The following HIVEP2 variants were observed in gnomAD, a reference collection of about 807,000 sequenced individuals.
The protein encoded by HIVEP2 is HIVEP zinc finger 2.
A neutral mutation model predicts 180.7 loss-of-function variants in HIVEP2; 14 were observed. That is an observed-to-expected ratio of 0.08 (90% CI 0.05 to 0.12). The LOEUF (loss-of-function observed/expected upper bound fraction) is 0.12, where lower values mean the gene tolerates loss of function less well. Ranked by LOEUF, HIVEP2 falls within the 10% of genes least tolerant of loss-of-function variation. HIVEP2 has a pLI of 1.00. For missense variants in HIVEP2, 2,579 were observed against 3,008.5 expected (o/e 0.86, Z 3.34); for synonymous variants, 1,184 against 1,136.4 (o/e 1.04, Z -0.84).
chr6:142,778,831 A>G (rs1775769616), intron 3 of HIVEP2, among the ~76,000 whole-genome samples: 1 of 152,176 alleles, frequency 6.6e-6, no homozygotes, highest in Non-Finnish European at 1.5e-5. Context: ...AAAATAATAC[A>G]TCTTCAATAA....
chr6:142,754,063 G>T, intron 9 of HIVEP2, 132 bp from the exon 10 acceptor site: 1 of 552,904 alleles, frequency 1.8e-6, no homozygotes. Context: ...CTAATTCTTT[G>T]ATCAAGTTTT....
chr6:142,793,659 T>TCTCTCTCTCTC (rs3057479), intron 2 of HIVEP2, among the ~76,000 whole-genome samples: 4 of 106,116 alleles, frequency 3.8e-5, no homozygotes, highest in African/African-American at 1.4e-4. Flanking sequence ...TTTCTTTCTT[T>TCTCTCTCTCTC]TTTCTTTCTT....
rs770845582 is a variant in HIVEP2, at chr6:142,771,554, G to A, written c.3185C>T (p.Ser1062Leu). Residue 1062 changes from serine (S) to leucine (L), a missense_variant, in exon 5 of 10, where the codon TCG (serine) becomes TTG (leucine). This residue lies in a region of HIVEP2 where 523 missense variants were observed against 577.0 expected (regional missense o/e 0.91). Coordinates refer to ENST00000367603, the MANE Select transcript of HIVEP2 (RefSeq NM_006734.4). The surrounding 1 kb of genome is among the most constrained non-coding windows in gnomAD (Gnocchi z 5.4). The part of the protein sequence containing the change: ...DYGNLSHAPV[S>L]GAAASTVSPS... ...TGATACCGTGGAGGCTGCTGCTCCC[G>A]ACACAGGAGCATGGGACAGATTCCC... 16 of 1,613,932 alleles carry A rather than the reference G, an allele frequency of 9.9e-6. No homozygotes were observed. The highest frequency in any genetic ancestry group is 5.3e-5 in the African/African-American group (4 of 75,038).
chr6:142,855,347 A>C (rs754649623), intron 1 of HIVEP2, among the ~76,000 whole-genome samples: 12 of 152,228 alleles, frequency 7.9e-5, no homozygotes, highest in Non-Finnish European at 1.3e-4. Flanking sequence ...CAGCAGGGAA[A>C]GGACTAATCA....
At chr6:142,811,307 A>G (rs1452918705) in intron 2 of HIVEP2, among the ~76,000 whole-genome samples, 1 of 152,216 alleles carries the variant, frequency 6.6e-6, no homozygotes, top group Non-Finnish European at 1.5e-5. Flanking sequence ...TAAAAATGCA[A>G]CACATGCAAA....
In HIVEP2 at chr6:142,771,896, T is replaced by G; in HGVS notation, c.2843A>C (p.Glu948Ala). Residue 948 changes from glutamate (E) to alanine (A), a missense_variant, in exon 5 of 10, where the codon GAG (glutamate) becomes GCG (alanine). By Grantham distance (107) the Glu-to-Ala change is moderately radical. Coordinates refer to ENST00000367603, the MANE Select transcript of HIVEP2 (RefSeq NM_006734.4). The surrounding 1 kb of genome is among the most constrained non-coding windows in gnomAD (Gnocchi z 5.4). ...AAAGCTGGACTCCCCTGAGGAGTGC[T>G]CCATATCTGCAAGTCGCAGACGCTT... is the stretch of plus-strand genomic sequence containing the variant. The part of the protein sequence containing the change: ...KKKRLRLADM[E>A]HSSGESSFES... 6.2e-7 allele frequency: 1 copy of G among 1,614,168 alleles called. No individual in the cohort carries two copies. The highest frequency in any genetic ancestry group is 8.5e-7 in the Non-Finnish European group (1 of 1,180,036).
At chr6:142,831,778 G>A (rs1208276789) in intron 2 of HIVEP2, among the ~76,000 whole-genome samples, 1 of 152,126 alleles carries the variant, frequency 6.6e-6, no homozygotes, top group East Asian at 1.9e-4. Flanking sequence ...TCATAAATTT[G>A]TATTCATGAC....
Position 142,828,963 on chromosome 6 carries a change from C to A in HIVEP2, c.-528+7972G>T, listed in dbSNP as rs544477766. Among the ~76,000 whole-genome samples, 39 of 152,292 alleles carry A rather than the reference C, an allele frequency of 2.6e-4. No individual in the cohort carries two copies. In the South Asian group the frequency reaches 7.5e-3, roughly 29 times the overall value. Reference sequence around the variant, plus strand: ...TAGAATATTCATCTACAGTATCTCTCCCAAACCCTCTTTATATTCCTATTA... The same window carrying A: ...TAGAATATTCATCTACAGTATCTCTACCAAACCCTCTTTATATTCCTATTA... On this transcript the variant is annotated intron_variant, in intron 2 of 9. Coordinates refer to ENST00000367603, the MANE Select transcript of HIVEP2 (RefSeq NM_006734.4).
chr6:142,821,533 G>C (rs927984806), intron 2 of HIVEP2, among the ~76,000 whole-genome samples: 1 of 152,108 alleles, frequency 6.6e-6, no homozygotes, highest in African/African-American at 2.4e-5. Flanking sequence ...AGAAAATGGG[G>C]ATACAAATAA....
rs764211234 is a variant in HIVEP2 at position 142,771,731 on chromosome 6, T to A, written c.3008A>T (p.His1003Leu). The A allele has an allele frequency of 5.6e-6, 9 of 1,614,222 alleles. No homozygotes were observed. The highest frequency in any genetic ancestry group is 7.6e-6 in the Non-Finnish European group (9 of 1,180,046). The change falls in exon 5 of 10, where the codon CAT (histidine) becomes CTT (leucine). Residue 1003 changes from histidine (H) to leucine (L), a missense_variant. Transcript: ENST00000367603. This position sits in a 1 kb window ranked among gnomAD's most constrained non-coding sequence, Gnocchi z 5.4. The part of the protein sequence containing the change: ...ALPKQDEFGK[H>L]SEFLTVPAGS... ...AGCAGGGACAGTCAGAAACTCTGAA[T>A]GCTTCCCAAACTCATCCTGCTTAGG...
chr6:142,886,699 T>C (rs989206728), intron 1 of HIVEP2, among the ~76,000 whole-genome samples: 2 of 152,208 alleles, frequency 1.3e-5, no homozygotes, highest in African/African-American at 4.8e-5. Flanking sequence ...TAGAAATTTA[T>C]CTATGATAGA....
chr6:142,840,300 T>A (rs201467401), intron 1 of HIVEP2, among the ~76,000 whole-genome samples: 2 of 4,804 alleles, frequency 4.2e-4, no homozygotes, highest in African/African-American at 8.3e-4. Context: ...ATTTATTTTT[T>A]TTTTTTTAAT....
chr6:142,885,299 A>G (rs1776667863), intron 1 of HIVEP2, among the ~76,000 whole-genome samples: 1 of 151,938 alleles, frequency 6.6e-6, no homozygotes, highest in Non-Finnish European at 1.5e-5. Flanking sequence ...GCTGTTCACA[A>G]AAGGAATTCC....
chr6:142,859,063 A>G (rs912810443), intron 1 of HIVEP2, among the ~76,000 whole-genome samples: 1 of 152,214 alleles, frequency 6.6e-6, no homozygotes, highest in South Asian at 2.1e-4. Flanking sequence ...GTGTTGTTAA[A>G]TGAATCATTT....
intron 1 of HIVEP2, among the ~76,000 whole-genome samples, chr6:142,928,286 A>G (rs1346057690): frequency 6.6e-6 from 1 of 152,240 alleles, no homozygotes; most frequent in Non-Finnish European, 1.5e-5. Context: ...TTAGGGTTTT[A>G]TGAGTATCCT....
intron 1 of HIVEP2, among the ~76,000 whole-genome samples, chr6:142,877,779 A>G (rs1776481975): frequency 6.6e-6 from 1 of 152,240 alleles, no homozygotes; most frequent in Admixed American, 6.5e-5. Flanking sequence ...ATTGTCCCCA[A>G]AAGAAATACA....
intron 1 of HIVEP2, among the ~76,000 whole-genome samples, chr6:142,857,953 C>T (rs545229110): frequency 6.6e-6 from 1 of 152,234 alleles, no homozygotes; most frequent in East Asian, 1.9e-4. Context: ...AGGCAGCTGT[C>T]CCCCACCATT....
rs1288714072 is a variant in HIVEP2 at position 142,753,559 on chromosome 6, T to C, written c.6889A>G (p.Ser2297Gly). ...PHALQSSGPP[S>G]TPSSPRLLMK... ...AACAGCCGAGGAGAGGAGGGAGTGCTAGGTGGACCAGATGACTGCAAAGCG... is the reference window on the plus strand; with the variant it reads ...AACAGCCGAGGAGAGGAGGGAGTGCCAGGTGGACCAGATGACTGCAAAGCG... The change falls in exon 10 of 10, where the codon AGC becomes GGC. Residue 2297 changes from serine (S) to glycine (G), a missense_variant. This residue lies in a region of HIVEP2 where 660 missense variants were observed against 731.7 expected (regional missense o/e 0.90). Transcript: ENST00000367603. 6.2e-7 allele frequency: 1 copy of C among 1,614,064 alleles called. No individual in the cohort carries two copies. The highest frequency in any genetic ancestry group is 1.3e-5 in the African/African-American group (1 of 74,934).
At position 142,753,839 on chromosome 6, in the gene HIVEP2, A is replaced by G. The variant is rs564005289; in HGVS notation, c.6609T>C (p.Pro2203=). The G allele has an allele frequency of 4.8e-5, 77 of 1,613,814 alleles. No individual in the cohort carries two copies. In the South Asian group the frequency reaches 5.2e-4, roughly 11 times the overall value. The change falls in exon 10 of 10, where the codon CCT becomes CCC. Residue 2203 remains proline (P), a synonymous_variant. Coordinates refer to ENST00000367603, the MANE Select transcript of HIVEP2 (RefSeq NM_006734.4). The part of the protein sequence containing the change: ...AYEHPGSSLF[P]EGPNDYVFSH... The stretch of plus-strand genomic sequence containing the variant: ...TGAAGACATAGTCATTAGGACCCTC[A>G]GGGAAAAGGCTGGAGCCTGGATGTT...
Sources: allele counts gnomAD v4.1 joint callset (sites outside exome capture counted in the v4.1 genomes callset), GRCh38; gene constraint gnomAD v4.1.1; regional missense constraint gnomAD v4.1.1; non-coding constraint Gnocchi (gnomAD v3.1); transcripts MANE v1.5; gene names NCBI Gene and HGNC (gene_info 2026-07-23, HGNC 2026-07-21).